MITF: variants seen among roughly 807,000 people sequenced by gnomAD.
MITF encodes melanocyte inducing transcription factor.
A neutral mutation model predicts 60.5 loss-of-function variants in MITF; 17 were observed. That is an observed-to-expected ratio of 0.28 (90% CI 0.19 to 0.42). MITF has a LOEUF of 0.42. Ranked by LOEUF, MITF falls within the 10% of genes least tolerant of loss-of-function variation. The pLI is 1.00. For missense variants in MITF, 622 were observed against 683.5 expected (o/e 0.91, Z 1.00); for synonymous variants, 260 against 248.5 (o/e 1.05, Z -0.43).
At chr3:69,842,682 G>A (rs1050290819) in intron 1 of MITF, among the ~76,000 whole-genome samples, 1 of 152,084 alleles carries the variant, frequency 6.6e-6, no homozygotes, top group Non-Finnish European at 1.5e-5. Flanking sequence ...AAATTCTTGG[G>A]GGATATGCTC....
At chr3:69,915,783 A>G (rs943287230) in intron 2 of MITF, among the ~76,000 whole-genome samples, 3 of 152,120 alleles carry the variant, frequency 2.0e-5, no homozygotes, top group South Asian at 2.1e-4. Context: ...CTCTGTTTCT[A>G]TTGCACCAAT....
At chr3:69,933,348 A>G (rs549620895) in intron 2 of MITF, among the ~76,000 whole-genome samples, 7 of 152,282 alleles carry the variant, frequency 4.6e-5, no homozygotes, top group South Asian at 2.1e-4. Flanking sequence ...GTCAGCCAAG[A>G]TGGTAGTATC....
intron 1 of MITF, among the ~76,000 whole-genome samples, chr3:69,755,219 G>T (rs1164627567): frequency 2.0e-5 from 3 of 152,090 alleles, no homozygotes; most frequent in African/African-American, 7.2e-5. Flanking sequence ...CACTAATTGG[G>T]GTTACACAAT....
At chr3:69,763,853 T>G in intron 1 of MITF, 1 of 1,371,942 alleles carries the variant, frequency 7.3e-7, no homozygotes, top group Non-Finnish European at 9.7e-7. Flanking sequence ...TGGGACACCT[T>G]GAAAATACTT....
At chr3:69,885,839 C>G (rs1176552179) in intron 2 of MITF, among the ~76,000 whole-genome samples, 7 of 152,014 alleles carry the variant, frequency 4.6e-5, no homozygotes, top group African/African-American at 1.4e-4. Flanking sequence ...GATGTGATGC[C>G]TATATTCTGT....
chr3:69,748,234 A>C (rs1464308946), intron 1 of MITF, among the ~76,000 whole-genome samples: 2 of 152,148 alleles, frequency 1.3e-5, no homozygotes, highest in African/African-American at 4.8e-5. Flanking sequence ...ACAGAGTGAT[A>C]ATTTTCTTTC....
At chr3:69,923,564 G>A (rs1018615978) in intron 2 of MITF, among the ~76,000 whole-genome samples, 9 of 152,024 alleles carry the variant, frequency 5.9e-5, no homozygotes, top group Admixed American at 2.6e-4. Context: ...TGAAGTGATC[G>A]GCCTGCCTTG....
intron 1 of MITF, among the ~76,000 whole-genome samples, chr3:69,761,684 A>T (rs1203374347): frequency 6.6e-6 from 1 of 152,244 alleles, no homozygotes; most frequent in Non-Finnish European, 1.5e-5. Flanking sequence ...GCCTGTCTGC[A>T]TAGTCCTTTG....
chr3:69,918,432 C>G (rs906904456), intron 2 of MITF, among the ~76,000 whole-genome samples: 2 of 152,046 alleles, frequency 1.3e-5, no homozygotes, highest in Non-Finnish European at 2.9e-5. Flanking sequence ...AATAAAATTT[C>G]CTTGGTGTTT....
In MITF at chr3:69,939,169, G is replaced by A. The variant is rs200769309; in HGVS notation, c.654G>A (p.Ala218=). 5.7e-5 allele frequency: 92 copies of A among 1,613,858 alleles called. 1 individual carries two copies. In the East Asian group the frequency reaches 8.7e-4, roughly 15 times the overall value. Residue 218 remains alanine (A), a synonymous_variant, in exon 4 of 10, where the codon GCG becomes GCA. Transcript: ENST00000352241. The part of the protein sequence containing the change: ...ECPGMNTHSR[A]SCMQMDDVID... ...CAGGCATGAACACACATTCACGAGCGTCCTGTATGCAGGTACTGAATGACT... is the reference window on the plus strand; with the variant it reads ...CAGGCATGAACACACATTCACGAGCATCCTGTATGCAGGTACTGAATGACT...
chr3:69,874,825 A>G (rs1575859021), intron 1 of MITF, among the ~76,000 whole-genome samples: 1 of 152,188 alleles, frequency 6.6e-6, no homozygotes, highest in African/African-American at 2.4e-5. Context: ...GGAATTTCTG[A>G]TATTGTTAGG....
intron 8 of MITF, 82 bp downstream of exon 8, chr3:69,956,612 T>A: frequency 8.6e-7 from 1 of 1,158,858 alleles, no homozygotes; most frequent in Non-Finnish European, 1.3e-6. Context: ...AATGCAGTTG[T>A]AAAAACTAAA....
chr3:69,793,883 G>A (rs955541362), intron 1 of MITF, among the ~76,000 whole-genome samples: 2 of 152,176 alleles, frequency 1.3e-5, no homozygotes, highest in African/African-American at 4.8e-5. Context: ...TTTATAAGTT[G>A]TGCTATCTCA....
chr3:69,863,578 C>T (rs1028204031), intron 1 of MITF, among the ~76,000 whole-genome samples: 1 of 152,128 alleles, frequency 6.6e-6, no homozygotes, highest in Non-Finnish European at 1.5e-5. Context: ...TTTGAGAACT[C>T]ATGGAGGGTA....
At chr3:69,911,611 A>C (rs1191355003) in intron 2 of MITF, among the ~76,000 whole-genome samples, 1 of 152,254 alleles carries the variant, frequency 6.6e-6, no homozygotes, top group East Asian at 1.9e-4. Flanking sequence ...AGAACTCCTG[A>C]ACATCAATAA....
intron 1 of MITF, among the ~76,000 whole-genome samples, chr3:69,874,292 T>C (rs2107259354): frequency 6.6e-6 from 1 of 152,364 alleles, no homozygotes; most frequent in African/African-American, 2.4e-5. Flanking sequence ...AGTTCTCTCA[T>C]TTAAATGGAC....
chr3:69,846,924 A>C (rs1432642405), intron 1 of MITF, among the ~76,000 whole-genome samples: 1 of 152,090 alleles, frequency 6.6e-6, no homozygotes, highest in African/African-American at 2.4e-5. Flanking sequence ...CCTAGTCCTG[A>C]AATGTGTCCA....
chr3:69,967,403 G>C lies in MITF; in HGVS notation c.*2155G>C, dbSNP rs1003135191. 3.9e-5 allele frequency: 9 copies of C among 233,008 alleles called. No homozygotes were observed. Among genetic ancestry groups the C allele is most frequent in the Admixed American group, 5.6e-5 (1 of 17,752 alleles). The allele number at this position is 233,008 out of a possible 1,614,324, so 14.4% of individuals were successfully genotyped here. ...TATTTTTCTCTTCATATTTATATGG[G>C]GGGGAGGGCGCTGGATGCAAAAGTT... On this transcript the variant is annotated 3_prime_UTR_variant, in exon 10 of 10. Coordinates refer to ENST00000352241, the MANE Select transcript of MITF (RefSeq NM_001354604.2).
chr3:69,781,170 T>C (rs928823218), intron 1 of MITF, among the ~76,000 whole-genome samples: 1 of 152,140 alleles, frequency 6.6e-6, no homozygotes, highest in Non-Finnish European at 1.5e-5. Context: ...AGCTATTTGG[T>C]GTCCAGTTCA....
Sources: gnomAD v4.1 joint callset for allele counts (sites outside exome capture counted in the v4.1 genomes callset) on GRCh38, gnomAD v4.1.1 for gene constraint, MANE v1.5 for transcripts, NCBI Gene and HGNC (gene_info 2026-07-23, HGNC 2026-07-21) for gene names.